Variants in GDNF observed in about 807,000 individuals in gnomAD.
GDNF encodes glial cell derived neurotrophic factor.
A neutral mutation model predicts 13.7 loss-of-function variants in GDNF; 5 were observed. The observed-to-expected ratio is 0.36, with a 90% CI of 0.19 to 0.77. The LOEUF (loss-of-function observed/expected upper bound fraction) is 0.77. Among genes scored for constraint, GDNF ranks in the 30% least tolerant of loss-of-function variants. The pLI is 0.51. For synonymous variants in GDNF, 122 were observed against 112.5 expected (o/e 1.08, Z -0.53); for missense variants, 246 against 274.3 (o/e 0.90, Z 0.73).
chr5:37,818,406 C>T (rs990610495), intron 2 of GDNF, among the ~76,000 whole-genome samples: 1 of 152,184 alleles, frequency 6.6e-6, no homozygotes, highest in Non-Finnish European at 1.5e-5. Context: ...TGCCTATGCC[C>T]TCTTGCCTGC....
At chr5:37,828,742 G>A (rs2216711) in intron 2 of GDNF, among the ~76,000 whole-genome samples, 126,306 of 152,228 alleles carry the variant, frequency 0.83, 52,936 homozygotes, top group African/African-American at 0.95. Context: ...GTAGAGCTCA[G>A]ACTTACTTGA....
At chr5:37,826,901 C>A (rs554317224) in intron 2 of GDNF, among the ~76,000 whole-genome samples, 2 of 152,294 alleles carry the variant, frequency 1.3e-5, no homozygotes, top group South Asian at 2.1e-4. Flanking sequence ...GGGATAAACA[C>A]CTTCAGGCGC....
intron 1 of GDNF, chr5:37,835,910 GT>G: frequency 1.8e-6 from 1 of 556,012 alleles, no homozygotes; most frequent in East Asian, 3.0e-5. Context: ...GGTGGGCTCT[GT>G]TTGGCTTCTC....
chr5:37,832,641 C>T (rs563999801), intron 2 of GDNF, among the ~76,000 whole-genome samples: 2 of 152,312 alleles, frequency 1.3e-5, no homozygotes, highest in South Asian at 2.1e-4. Context: ...ATCCCTCTTC[C>T]CTACAACATG....
intron 1 of GDNF, among the ~76,000 whole-genome samples, chr5:37,836,185 T>C (rs1461597364): frequency 6.7e-6 from 1 of 148,974 alleles, no homozygotes; most frequent in East Asian, 2.0e-4. Flanking sequence ...AAACGGTTCT[T>C]AGGAAAAACT....
intron 1 of GDNF, among the ~76,000 whole-genome samples, chr5:37,836,703 G>A (rs1485164529): frequency 6.6e-6 from 1 of 152,230 alleles, no homozygotes; most frequent in Non-Finnish European, 1.5e-5. Flanking sequence ...CGTGCGAAAT[G>A]GCTGGCGGTC....
intron 2 of GDNF, chr5:37,824,055 T>G: frequency 1.0e-6 from 1 of 983,914 alleles, no homozygotes; most frequent in Non-Finnish European, 1.2e-6. Flanking sequence ...CCGTCATCAA[T>G]CTTCTCTTAA....
chr5:37,815,487 TTCCTCCTCCTCCTCC>T lies in GDNF; in HGVS notation c.*149_*163del, dbSNP rs150577324. On this transcript the variant is annotated 3_prime_UTR_variant, in exon 3 of 3. Transcript: ENST00000326524. This position sits in a 1 kb window ranked among gnomAD's most constrained non-coding sequence, Gnocchi z 5.0. ...CTACCAGGCTCCCATGATGGCTGCC[TTCCTCCTCCTCCTCC>T]TCCTCCTCCTCCTCCTCCTCTTCTT... 1.9e-5 allele frequency: 12 copies of T among 637,826 alleles called. No homozygotes were observed. The highest frequency in any genetic ancestry group is 4.0e-4 in the Middle Eastern group (1 of 2,486). 39.5% of individuals were successfully genotyped at this position (637,826 alleles called of 1,614,324 possible). A position where few individuals can be genotyped will look rare whatever the true frequency, so the allele number is the denominator to read the frequency against.
chr5:37,815,510 C>CCTCCTCCTCCTT lies in GDNF; in HGVS notation c.*140_*141insAAGGAGGAGGAG. The CCTCCTCCTCCTT allele has an allele frequency of 1.3e-6, 1 of 767,890 alleles. No individual in the cohort carries two copies. Among genetic ancestry groups the CCTCCTCCTCCTT allele is most frequent in the Non-Finnish European group, 2.2e-6 (1 of 445,594 alleles). The allele number at this position is 767,890 out of a possible 1,614,324, so 47.6% of individuals were successfully genotyped here. On this transcript the variant is annotated 3_prime_UTR_variant, in exon 3 of 3. Coordinates refer to ENST00000326524, the MANE Select transcript of GDNF (RefSeq NM_000514.4). This position sits in a 1 kb window ranked among gnomAD's most constrained non-coding sequence, Gnocchi z 5.0. ...CCTTCCTCCTCCTCCTCCTCCTCCT[C>CCTCCTCCTCCTT]CTCCTCCTCCTCTTCTTCTTCCTCC... is the stretch of plus-strand genomic sequence containing the variant.
chr5:37,835,650 A>G (rs529935219), intron 1 of GDNF: 6 of 1,550,574 alleles, frequency 3.9e-6, no homozygotes, highest in Non-Finnish European at 5.2e-6. Flanking sequence ...TGTTAGGCAA[A>G]GACTGCATTT....
At chr5:37,823,947 G>T in intron 2 of GDNF, 1 of 480,174 alleles carries the variant, frequency 2.1e-6, no homozygotes, top group Non-Finnish European at 2.7e-6. Context: ...TACCATCAGG[G>T]GCCCCATAAA....
At position 37,834,761 on chromosome 5, in the gene GDNF, C is replaced by CA; in HGVS notation, c.35dup (p.Leu13AlafsTer14). 1 of 1,613,082 alleles carries CA rather than the reference C, an allele frequency of 6.2e-7. No homozygotes were observed. Among genetic ancestry groups the CA allele is most frequent in the Non-Finnish European group, 8.5e-7 (1 of 1,179,646 alleles). On this transcript the variant is annotated frameshift_variant, in exon 2 of 3. Transcript: ENST00000326524. LOFTEE classifies it high-confidence loss of function. ...GGAAGGCGGACGCGGTGTGGAGCAGCACCAGGCAGACAGCCACGACATCCC... is the reference window on the plus strand; with the variant it reads ...GGAAGGCGGACGCGGTGTGGAGCAGCAACCAGGCAGACAGCCACGACATCCC...
chr5:37,834,481 G>A (rs1412892332), intron 2 of GDNF, among the ~76,000 whole-genome samples, 165 bp downstream of exon 2: 1 of 152,176 alleles, frequency 6.6e-6, no homozygotes, highest in Non-Finnish European at 1.5e-5. Flanking sequence ...GGGCAGCAGT[G>A]GGCAGCCAGG....
chr5:37,819,792 C>T (rs1750064763), intron 2 of GDNF, among the ~76,000 whole-genome samples: 1 of 152,128 alleles, frequency 6.6e-6, no homozygotes, highest in East Asian at 1.9e-4. Context: ...GTACTGCTTT[C>T]TCACTGAACT....
Position 37,837,089 on chromosome 5 carries a change from G to T in GDNF, c.-26-2267C>A, listed in dbSNP as rs375514086. Among the ~76,000 whole-genome samples, 1 of 152,166 alleles carries T rather than the reference G, an allele frequency of 6.6e-6. No individual in the cohort carries two copies. Among genetic ancestry groups the T allele is most frequent in the African/African-American group, 2.4e-5 (1 of 41,454 alleles). ...CAGTCCGAGGGGCTCTTTCGTTCTCGGTATTTGCTGGGCGGGGGAAAAGGG... is the reference window on the plus strand; with the variant it reads ...CAGTCCGAGGGGCTCTTTCGTTCTCTGTATTTGCTGGGCGGGGGAAAAGGG... On this transcript the variant is annotated intron_variant, in intron 1 of 2. Coordinates refer to ENST00000326524, the MANE Select transcript of GDNF (RefSeq NM_000514.4). The surrounding 1 kb of genome is among the most constrained non-coding windows in gnomAD (Gnocchi z 6.5).
intron 2 of GDNF, among the ~76,000 whole-genome samples, chr5:37,818,941 C>T (rs1352260311): frequency 6.6e-6 from 1 of 152,102 alleles, no homozygotes; most frequent in African/African-American, 2.4e-5. Flanking sequence ...TCCCCCTCCA[C>T]CATAATTCTT....
intron 2 of GDNF, among the ~76,000 whole-genome samples, chr5:37,821,355 G>C (rs777960558): frequency 2.6e-5 from 4 of 152,104 alleles, no homozygotes; most frequent in Admixed American, 1.3e-4. Flanking sequence ...CCTTTAAAAG[G>C]CTTGGCAGAA....
chr5:37,834,857 G>A, intron 1 of GDNF, 35 bp from the exon 2 acceptor site: 2 of 1,594,466 alleles, frequency 1.3e-6, no homozygotes, highest in South Asian at 1.1e-5. Context: ...GGAGAGAACC[G>A]CAGAATGCAC....
intron 2 of GDNF, among the ~76,000 whole-genome samples, chr5:37,819,127 G>A (rs566987803): frequency 2.6e-5 from 4 of 152,124 alleles, no homozygotes; most frequent in Non-Finnish European, 5.9e-5. Context: ...TGAATGAGTC[G>A]GGTCATTTTA....
Sources: gnomAD v4.1 joint callset for allele counts (sites outside exome capture counted in the v4.1 genomes callset) on GRCh38, gnomAD v4.1.1 for gene constraint, Gnocchi (gnomAD v3.1) non-coding constraint, MANE v1.5 for transcripts, NCBI Gene and HGNC (gene_info 2026-07-23, HGNC 2026-07-21) for gene names.